The following ARHGEF12 variants were observed in gnomAD, a reference collection of about 807,000 sequenced individuals.
ARHGEF12 encodes the protein KMT2A/ARHGEF12 fusion protein.
ARHGEF12 carries 66 observed loss-of-function variants against 211.2 expected under a neutral mutation model. That is an observed-to-expected ratio of 0.31 (90% CI 0.26 to 0.38). The LOEUF is 0.38. Among genes scored for constraint, ARHGEF12 ranks in the 10% least tolerant of loss-of-function variants. The pLI, the probability that ARHGEF12 is intolerant of heterozygous loss-of-function variation, is 1.00. For synonymous variants in ARHGEF12, 592 were observed against 638.4 expected (o/e 0.93, Z 1.09); for missense variants, 1,429 against 1,869.5 (o/e 0.76, Z 4.34).
Position 120,386,247 on chromosome 11 carries a change from AT to A in ARHGEF12, c.33-19870del, listed in dbSNP as rs1178224509. Among the ~76,000 whole-genome samples the A allele has an allele frequency of 3.3e-5, 5 of 152,108 alleles. No individual in the cohort carries two copies. The East Asian group carries it at 9.6e-4, about 29-fold the overall frequency. Reference sequence around the variant, plus strand: ...TAGCTGTAAATACAGGAACCAAGGGATGAATGTGAAAAGAAGTAATATAAAA... The same window carrying A: ...TAGCTGTAAATACAGGAACCAAGGGAGAATGTGAAAAGAAGTAATATAAAA... On this transcript the variant is annotated intron_variant, in intron 1 of 40. Transcript: ENST00000397843.
intron 26 of ARHGEF12, 89 bp from the exon 27 acceptor site, chr11:120,460,583 T>TAAA: frequency 3.3e-6 from 3 of 921,280 alleles, no homozygotes; most frequent in South Asian, 3.5e-5. Flanking sequence ...ATCGTCTTTA[T>TAAA]AAAAAAAAAA....
intron 1 of ARHGEF12, among the ~76,000 whole-genome samples, chr11:120,345,701 C>CA (rs34619240): frequency 0.67 from 52,341 of 78,236 alleles, 18,178 homozygotes; most frequent in Non-Finnish European, 0.73. Context: ...GACTCCGTCT[C>CA]AAAAAAAAAA....
At chr11:120,405,990 A>AT (rs1368657055) in intron 1 of ARHGEF12, 128 bp from the exon 2 acceptor site, 1 of 662,686 alleles carries the variant, frequency 1.5e-6, no homozygotes, top group African/African-American at 1.9e-5. Flanking sequence ...CAGCTTATTG[A>AT]TTCTTGCTAT....
intron 12 of ARHGEF12, chr11:120,438,526 T>C (rs1323452832): frequency 6.6e-6 from 1 of 152,184 alleles, no homozygotes; most frequent in Admixed American, 6.5e-5. Context: ...GAATTGTGTT[T>C]AGGAGACTCA....
intron 4 of ARHGEF12, 106 bp downstream of exon 4, chr11:120,409,556 C>CACAAGAAAGGCTGCAG: frequency 8.5e-7 from 1 of 1,171,910 alleles, no homozygotes; most frequent in Non-Finnish European, 1.2e-6. Context: ...TAACTGCAGC[C>CACAAGAAAGGCTGCAG]TTTCTTGTGT....
chr11:120,418,711 G>T (rs1945099326), intron 4 of ARHGEF12, among the ~76,000 whole-genome samples: 1 of 152,152 alleles, frequency 6.6e-6, no homozygotes, highest in South Asian at 2.1e-4. Flanking sequence ...TTTATGATTA[G>T]CCAGACTAGT....
intron 22 of ARHGEF12, among the ~76,000 whole-genome samples, chr11:120,456,220 G>A (rs1946356043): frequency 1.3e-5 from 2 of 152,122 alleles, no homozygotes; most frequent in Admixed American, 6.6e-5. Context: ...TTTTAATGAT[G>A]CAAGTAAAAA....
chr11:120,394,622 C>A (rs1944317694), intron 1 of ARHGEF12, among the ~76,000 whole-genome samples: 1 of 151,756 alleles, frequency 6.6e-6, no homozygotes, highest in Non-Finnish European at 1.5e-5. Flanking sequence ...CGAACATTAA[C>A]CCCAAATCTG....
intron 1 of ARHGEF12, among the ~76,000 whole-genome samples, chr11:120,339,005 C>CTTTTTTTTTTTTTTTTT (rs906260027): frequency 2.5e-5 from 3 of 121,982 alleles, no homozygotes; most frequent in East Asian, 2.3e-4. Context: ...TTTTCTTTTT[C>CTTTTTTTTTTTTTTTTT]TTTTTTTTTT....
intron 1 of ARHGEF12, among the ~76,000 whole-genome samples, chr11:120,376,718 CTGTTA>C (rs1565438412): frequency 1.3e-5 from 2 of 152,056 alleles, no homozygotes; most frequent in Non-Finnish European, 2.9e-5. Flanking sequence ...TGTAATCACT[CTGTTA>C]TATCAAATAC....
At position 120,478,795 on chromosome 11, in the gene ARHGEF12, G is replaced by A. The variant is rs187331832; in HGVS notation, c.3766+406G>A. Reference sequence around the variant, plus strand: ...ATGGAATGGTGTACTTACTAAATAAGCTATTATAATAGTCTGGCCTGAGAC... The same window carrying A: ...ATGGAATGGTGTACTTACTAAATAAACTATTATAATAGTCTGGCCTGAGAC... On this transcript the variant is annotated intron_variant, in intron 37 of 40. Transcript: ENST00000397843. Among the ~76,000 whole-genome samples, 640 of 152,272 alleles carry A rather than the reference G, an allele frequency of 4.2e-3. 17 individuals are homozygous for A. The highest frequency in any genetic ancestry group is 6.5e-4 in the Non-Finnish European group (44 of 68,024).
chr11:120,351,968 G>A (rs1262605284), intron 1 of ARHGEF12, among the ~76,000 whole-genome samples: 1 of 152,082 alleles, frequency 6.6e-6, no homozygotes, highest in Non-Finnish European at 1.5e-5. Context: ...TTATTACTCC[G>A]ATGCTCGCTT....
chr11:120,413,901 A>T (rs1228916102), intron 4 of ARHGEF12, among the ~76,000 whole-genome samples: 1 of 152,242 alleles, frequency 6.6e-6, no homozygotes, highest in African/African-American at 2.4e-5. Flanking sequence ...AGGTTATCTT[A>T]CATGTTTAAC....
rs1165675932 is a variant in ARHGEF12, at chr11:120,347,155, C to CTTTCTTTCTTTCTTT, written c.32+9880_32+9881insTTTCTTTCTTTCTTT. On this transcript the variant is annotated intron_variant, in intron 1 of 40. Transcript: ENST00000397843. Reference sequence around the variant, plus strand: ...TCTTTCCTTCCTTCCTTCCTTCCTTCCTTCCTTCCTTCCTTCCTTCCTTCC... The same window carrying CTTTCTTTCTTTCTTT: ...TCTTTCCTTCCTTCCTTCCTTCCTTCTTTCTTTCTTTCTTTCTTCCTTCCTTCCTTCCTTCCTTCC... Among the ~76,000 whole-genome samples the CTTTCTTTCTTTCTTT allele has an allele frequency of 1.7e-4, 12 of 69,170 alleles. 1 individual carries two copies. The highest frequency in any genetic ancestry group is 6.5e-4 in the African/African-American group (10 of 15,396). 45.4% of individuals were successfully genotyped at this position (69,170 alleles called of 152,430 possible).
chr11:120,477,621 T>C (rs1947087413), intron 36 of ARHGEF12, 95 bp downstream of exon 36: 5 of 1,211,294 alleles, frequency 4.1e-6, no homozygotes, highest in South Asian at 1.3e-5. Flanking sequence ...TCCCAGTGCT[T>C]TGGGAGGTCG....
chr11:120,351,975 G>C (rs1432642166), intron 1 of ARHGEF12, among the ~76,000 whole-genome samples: 1 of 152,070 alleles, frequency 6.6e-6, no homozygotes. Flanking sequence ...TCCGATGCTC[G>C]CTTTTTTGAA....
intron 15 of ARHGEF12, among the ~76,000 whole-genome samples, chr11:120,442,598 A>G (rs1945912063): frequency 6.6e-6 from 1 of 152,106 alleles, no homozygotes; most frequent in Non-Finnish European, 1.5e-5. Context: ...GCCTCTTTGA[A>G]GTTTGGAGGC....
chr11:120,451,684 G>A lies in ARHGEF12; in HGVS notation c.2016G>A (p.Gly672=). The A allele has an allele frequency of 6.2e-7, 1 of 1,614,086 alleles. No individual in the cohort carries two copies. The highest frequency in any genetic ancestry group is 8.5e-7 in the Non-Finnish European group (1 of 1,179,996). The change falls in exon 22 of 41, where the codon GGG becomes GGA. Residue 672 remains glycine, a synonymous_variant. Transcript: ENST00000397843. ...ATTCCATGTCTTCTGTAGCTTCAGG[G>A]GCCTCTTTTTCCCAGGAAGGAGGGA... The part of the protein sequence containing the change: ...PANSMSSVAS[G]ASFSQEGGKE...
At chr11:120,457,817 C>T (rs1591618363) in intron 24 of ARHGEF12, 61 bp downstream of exon 24, 2 of 1,538,786 alleles carry the variant, frequency 1.3e-6, no homozygotes, top group African/African-American at 1.4e-5. Context: ...ACCTTTTTTC[C>T]TCTAAAGTTT....
Sources: gnomAD v4.1 joint callset for allele counts (sites outside exome capture counted in the v4.1 genomes callset) on GRCh38, gnomAD v4.1.1 for gene constraint, MANE v1.5 for transcripts, NCBI Gene and HGNC (gene_info 2026-07-23, HGNC 2026-07-21) for gene names.